SCRIB: variants seen among roughly 807,000 people sequenced by gnomAD.
SCRIB encodes the protein scribble planar cell polarity protein.
A neutral mutation model predicts 170.0 loss-of-function variants in SCRIB; 72 were observed. The ratio of observed to expected loss-of-function variants is 0.42; its 90% CI spans 0.35 to 0.52. SCRIB has a LOEUF of 0.52. Ranked by LOEUF, SCRIB falls within the 20% of genes least tolerant of loss-of-function variation. The probability of loss-of-function intolerance (pLI) is 0.02; values close to 1 mark genes in which losing one functional copy is unlikely to be tolerated. For synonymous variants in SCRIB, 1,298 were observed against 1,044.3 expected (o/e 1.24, Z -4.68); for missense variants, 2,475 against 2,338.5 (o/e 1.06, Z -1.20).
Position 143,807,598 on chromosome 8 carries a change from T to G in SCRIB, c.2132A>C (p.Gln711Pro). 1 of 1,613,880 alleles carries G rather than the reference T, an allele frequency of 6.2e-7. No homozygotes were observed. The highest frequency in any genetic ancestry group is 1.1e-5 in the South Asian group (1 of 91,082). ...AGGCTCTATCAGCAGGTTATTGGCC[T>G]GGTCAAACGACACTCCCTGTTAGGA... The part of the protein sequence containing the change: ...APSVKGVSFD[Q>P]ANNLLIEPAR... The change falls in exon 16 of 37, where the codon CAG (glutamine) becomes CCG (proline). Residue 711 changes from glutamine to proline, a missense_variant. Coordinates refer to ENST00000356994, the MANE Select transcript of SCRIB (RefSeq NM_182706.5).
At chr8:143,807,656 C>G in intron 15 of SCRIB, 42 bp from the exon 16 acceptor site, 1 of 1,478,510 alleles carries the variant, frequency 6.8e-7, no homozygotes, top group Non-Finnish European at 9.5e-7. Flanking sequence ...TTAGCCACCG[C>G]CAAGACCACC....
intron 24 of SCRIB, among the ~76,000 whole-genome samples, chr8:143,802,971 G>A (rs932422219): frequency 3.2e-4 from 48 of 152,184 alleles, no homozygotes; most frequent in African/African-American, 1.1e-3. Flanking sequence ...GCACAGGAGC[G>A]GGGACCCTCA....
At chr8:143,793,563 G>T (rs781977848) in intron 28 of SCRIB, 22 of 351,560 alleles carry the variant, frequency 6.3e-5, no homozygotes, top group South Asian at 7.4e-5. Flanking sequence ...TGCCAACAGT[G>T]GGGGGGCAAG....
At position 143,795,427 on chromosome 8, in the gene SCRIB, G is replaced by T; in HGVS notation, c.3707C>A (p.Pro1236Gln). The change falls in exon 25 of 37, where the codon CCA becomes CAA. Residue 1236 changes from proline to glutamine, a missense_variant. Pro to Gln is a moderately conservative substitution (Grantham distance 76, BLOSUM62 -1). This residue lies in a region of SCRIB where 1,966 missense variants were observed against 1,742.9 expected (regional missense o/e 1.13). Coordinates refer to ENST00000356994, the MANE Select transcript of SCRIB (RefSeq NM_182706.5). ...SIDRELSPEGPGKEKELPGQT... is the reference protein window; with the variant it reads ...SIDRELSPEGQGKEKELPGQT... ...GCTGCAGGCACCTCTGACCTTGCCT[G>T]GGCCCTCAGGGCTCAGCTCCCGGTC... 2 of 1,612,992 alleles carry T rather than the reference G, an allele frequency of 1.2e-6. No homozygotes were observed. The highest frequency in any genetic ancestry group is 1.7e-6 in the Non-Finnish European group (2 of 1,179,716).
chr8:143,813,055 C>G lies in SCRIB; in HGVS notation c.617G>C (p.Arg206Pro). 6.3e-7 allele frequency: 1 copy of G among 1,588,898 alleles called. No homozygotes were observed. Among genetic ancestry groups the G allele is most frequent in the Non-Finnish European group, 8.6e-7 (1 of 1,168,048 alleles). The change falls in exon 7 of 37, where the codon CGG becomes CCG. Residue 206 changes from arginine (R) to proline (P), a missense_variant. Arg to Pro is a moderately radical substitution (Grantham distance 103). Around this residue, in one of 3 missense-constraint regions of SCRIB, gnomAD observed 487 missense variants for 558.1 expected, o/e 0.87. Transcript: ENST00000356994. ...LPNLRELWLD[R>P]NQLSALPPEL... ...CGGGGGCAGTGCTGACAGCTGGTTC[C>G]GGTCAAGCCACAGCTCCCGAAGATT...
Position 143,813,114 on chromosome 8 carries a change from G to C in SCRIB, c.568-10C>G, listed in dbSNP as rs570416188. The C allele has an allele frequency of 3.8e-6, 6 of 1,572,786 alleles. No homozygotes were observed. Among genetic ancestry groups the C allele is most frequent in the Non-Finnish European group, 5.2e-6 (6 of 1,157,294 alleles). ...CCCCCAGAGTGTCTGGCTGCAAGAA[G>C]GAACAGAGAAAATAGTGACTATGAG... On this transcript the variant is annotated splice_polypyrimidine_tract_variant and intron_variant, in intron 6 of 36. Coordinates refer to ENST00000356994, the MANE Select transcript of SCRIB (RefSeq NM_182706.5).
At chr8:143,795,885 G>C (rs1397452625) in intron 24 of SCRIB, among the ~76,000 whole-genome samples, 2 of 152,164 alleles carry the variant, frequency 1.3e-5, no homozygotes, top group African/African-American at 2.4e-5. Context: ...GGAGGGGCGT[G>C]AGTAGCAGGC....
rs373667223 is a variant in SCRIB at position 143,805,047 on chromosome 8, G to A, written c.2671-33C>T. Reference sequence around the variant, plus strand: ...GGAGGGTGGAGGAGGCAGGGCTGCCGGTGAGGCTGGAGTGCGGCTGTCAGC... The same window carrying A: ...GGAGGGTGGAGGAGGCAGGGCTGCCAGTGAGGCTGGAGTGCGGCTGTCAGC... On this transcript the variant is annotated intron_variant, in intron 19 of 36. Coordinates refer to ENST00000356994, the MANE Select transcript of SCRIB (RefSeq NM_182706.5). 751 of 1,581,248 alleles carry A rather than the reference G, an allele frequency of 4.7e-4. 1 individual carries two copies. The highest frequency in any genetic ancestry group is 1.2e-3 in the Admixed American group (65 of 56,126).
intron 1 of SCRIB, among the ~76,000 whole-genome samples, chr8:143,814,494 G>A (rs973894334): frequency 2.6e-5 from 4 of 152,082 alleles, no homozygotes; most frequent in Admixed American, 1.3e-4. Context: ...CAACAAGCCT[G>A]GCCTGGTTCT....
In SCRIB at chr8:143,804,604, C is replaced by A; in HGVS notation, c.2973G>T (p.Leu991=). ...VPGLPSLAPS[L]LAAALEGPYP... ...ATGGCCCTTCCAACGCGGCAGCCAG[C>A]AGGCTGGGGGCCAGGCTCGGCAACC... is the stretch of plus-strand genomic sequence containing the variant. Residue 991 remains leucine (L), a synonymous_variant, in exon 21 of 37, where the codon CTG becomes CTT. Coordinates refer to ENST00000356994, the MANE Select transcript of SCRIB (RefSeq NM_182706.5). 1 of 1,516,232 alleles carries A rather than the reference C, an allele frequency of 6.6e-7. No individual in the cohort carries two copies. The highest frequency in any genetic ancestry group is 1.4e-5 in the African/African-American group (1 of 72,206). The allele number at this position is 1,516,232 out of a possible 1,614,324, so 93.9% of individuals were successfully genotyped here. A position where few individuals can be genotyped will look rare whatever the true frequency, so the allele number is the denominator to read the frequency against.
rs1554632855 is a variant in SCRIB, at chr8:143,791,997, C to T, written c.4651G>A (p.Val1551Met). 2 of 1,518,846 alleles carry T rather than the reference C, an allele frequency of 1.3e-6. No individual in the cohort carries two copies. The highest frequency in any genetic ancestry group is 2.2e-5 in the Admixed American group (1 of 46,048). 94.1% of individuals were successfully genotyped at this position (1,518,846 alleles called of 1,614,324 possible). A position where few individuals can be genotyped will look rare whatever the true frequency, so the allele number is the denominator to read the frequency against. Residue 1551 changes from valine (V) to methionine (M), a missense_variant, in exon 33 of 37, where the codon GTG becomes ATG. By Grantham distance (21) the Val-to-Met change is conservative. This residue lies in a region of SCRIB where 1,966 missense variants were observed against 1,742.9 expected (regional missense o/e 1.13). Coordinates refer to ENST00000356994, the MANE Select transcript of SCRIB (RefSeq NM_182706.5). ...CCTGCCCTGACCCACAGACCTTCCA[C>T]AGGGGTGGGCGACGGGGTGGGCGCA... The part of the protein sequence containing the change: ...SPAPTPSPTP[V>M]EDLGPQTSTS...
chr8:143,802,274 C>A (rs903509907), intron 24 of SCRIB, among the ~76,000 whole-genome samples: 2 of 152,244 alleles, frequency 1.3e-5, no homozygotes, highest in African/African-American at 4.8e-5. Context: ...CGAATGCAGA[C>A]CCACTTCCCG....
At chr8:143,795,759 C>T (rs1024401969) in intron 24 of SCRIB, among the ~76,000 whole-genome samples, 8 of 152,222 alleles carry the variant, frequency 5.3e-5, no homozygotes, top group Admixed American at 3.9e-4. Context: ...ACAGGGCTGC[C>T]GTGGACGTGG....
Position 143,804,843 on chromosome 8 carries a change from A to G in SCRIB, c.2752-18T>C, listed in dbSNP as rs782813081. Reference sequence around the variant, plus strand: ...CCATTAATCTGTGAGAGCGTGCCCGAATCAGGGAGGCCCAAGGGCAGAAGG... The same window carrying G: ...CCATTAATCTGTGAGAGCGTGCCCGGATCAGGGAGGCCCAAGGGCAGAAGG... On this transcript the variant is annotated intron_variant, in intron 20 of 36. Coordinates refer to ENST00000356994, the MANE Select transcript of SCRIB (RefSeq NM_182706.5). The G allele has an allele frequency of 6.9e-7, 1 of 1,458,686 alleles. No individual in the cohort carries two copies. The highest frequency in any genetic ancestry group is 9.1e-7 in the Non-Finnish European group (1 of 1,095,868). 90.4% of individuals were successfully genotyped at this position (1,458,686 alleles called of 1,614,324 possible).
intron 18 of SCRIB, among the ~76,000 whole-genome samples, chr8:143,806,151 T>C (rs1006329061): frequency 6.6e-6 from 1 of 152,044 alleles, no homozygotes; most frequent in African/African-American, 2.4e-5. Context: ...AAAACACACC[T>C]GTACCCACAG....
intron 9 of SCRIB, among the ~76,000 whole-genome samples, chr8:143,811,877 A>G (rs986425105): frequency 1.3e-5 from 2 of 152,126 alleles, no homozygotes. Context: ...ACCGTCCCGA[A>G]CCGTGGCCTG....
At chr8:143,813,606 C>T (rs941863600) in intron 4 of SCRIB, 31 bp downstream of exon 4, 1 of 1,612,524 alleles carries the variant, frequency 6.2e-7, no homozygotes, top group Non-Finnish European at 8.5e-7. Context: ...GTCCCCCACC[C>T]CACCCTAGTT....
rs1815655829 is a variant in SCRIB, at chr8:143,810,483, T to C, written c.1526A>G (p.Glu509Gly). ...TTGCCGTGGCTCCATGCCCACCTCC[T>C]CTGCAGGCAAGGGCGACCCAGAGTC... The part of the protein sequence containing the change: ...QPDSGSPLPA[E>G]EEKRLSAESG... Residue 509 changes from glutamate (E) to glycine (G), a missense_variant, in exon 13 of 37, where the codon GAG becomes GGG. By Grantham distance (98) the Glu-to-Gly change is moderately conservative. This residue lies in a region of SCRIB where 1,966 missense variants were observed against 1,742.9 expected (regional missense o/e 1.13). Coordinates refer to ENST00000356994, the MANE Select transcript of SCRIB (RefSeq NM_182706.5). The C allele has an allele frequency of 1.2e-6, 2 of 1,607,886 alleles. No individual in the cohort carries two copies. The highest frequency in any genetic ancestry group is 1.7e-6 in the Non-Finnish European group (2 of 1,179,712).
chr8:143,805,296 C>T lies in SCRIB; in HGVS notation c.2486G>A (p.Arg829Gln), dbSNP rs782705998. 1.0e-5 allele frequency: 16 copies of T among 1,548,924 alleles called. No individual in the cohort carries two copies. Among genetic ancestry groups the T allele is most frequent in the East Asian group, 4.8e-5 (2 of 41,342 alleles). The change falls in exon 19 of 37, where the codon CGG (arginine) becomes CAG (glutamine). Residue 829 changes from arginine (R) to glutamine (Q), a missense_variant. This residue lies in a region of SCRIB where 1,966 missense variants were observed against 1,742.9 expected (regional missense o/e 1.13). Transcript: ENST00000356994. Reference protein sequence around the residue: ...PENAVTITPLRPEDDYSPRER... With the variant: ...PENAVTITPLQPEDDYSPRER... ...TCGGGGGCTGTAATCATCCTCGGGCCGCAGCGGCGTGATGGTGACCGCGTT... is the reference window on the plus strand; with the variant it reads ...TCGGGGGCTGTAATCATCCTCGGGCTGCAGCGGCGTGATGGTGACCGCGTT...
Sources: gnomAD v4.1 joint callset for allele counts (sites outside exome capture counted in the v4.1 genomes callset) on GRCh38, gnomAD v4.1.1 for gene constraint, gnomAD v4.1.1 regional missense constraint, MANE v1.5 for transcripts, NCBI Gene and HGNC (gene_info 2026-07-23, HGNC 2026-07-21) for gene names.